Variants in ITGAE observed in about 807,000 individuals in gnomAD.
The protein encoded by ITGAE is integrin subunit alpha E, also known as integrin alpha-E.
A neutral mutation model predicts 136.5 loss-of-function variants in ITGAE; 99 were observed. That is an observed-to-expected ratio of 0.73 (90% CI 0.62 to 0.86). The LOEUF is 0.86. ITGAE is among the 40% of genes least tolerant of loss of function. The pLI is 0.00. For synonymous variants in ITGAE, 613 were observed against 591.8 expected (o/e 1.04, Z -0.52); for missense variants, 1,447 against 1,515.3 (o/e 0.95, Z 0.75).
At chr17:3,765,444 C>A (rs2052276693) in intron 2 of ITGAE, among the ~76,000 whole-genome samples, 1 of 151,522 alleles carries the variant, frequency 6.6e-6, no homozygotes, top group East Asian at 1.9e-4. Context: ...GAGATACCGT[C>A]TCCACTTCCT....
chr17:3,725,510 T>A (rs749752726), intron 26 of ITGAE: 4 of 1,614,156 alleles, frequency 2.5e-6, no homozygotes, highest in East Asian at 2.2e-5. Context: ...ATGGATCCCA[T>A]CAGAAAACCT....
rs1217117251 is a variant in ITGAE at position 3,740,685 on chromosome 17, G to A, written c.2449-807C>T. 4.6e-5 allele frequency among the ~76,000 whole-genome samples: 7 copies of A among 152,112 alleles called. No individual in the cohort carries two copies. In the South Asian group the frequency reaches 8.3e-4, roughly 18 times the overall value. On this transcript the variant is annotated intron_variant, in intron 19 of 30. Transcript: ENST00000263087. The stretch of plus-strand genomic sequence containing the variant: ...GCCACCGCGCCCGGCCTGGCTAGTC[G>A]TCTCTGTAAGCTAACTATTTCCCTT...
intron 2 of ITGAE, among the ~76,000 whole-genome samples, chr17:3,766,040 C>CT (rs1567544372): frequency 6.6e-6 from 1 of 152,106 alleles, no homozygotes; most frequent in Non-Finnish European, 1.5e-5. Flanking sequence ...AATTAAGGAT[C>CT]ATGAGATGGG....
intron 26 of ITGAE, chr17:3,726,660 C>A (rs2143008884): frequency 4.3e-6 from 1 of 234,450 alleles, no homozygotes; most frequent in Non-Finnish European, 8.2e-6. Flanking sequence ...AGACCCCTGT[C>A]TCTATTTTTT....
At chr17:3,716,655 T>G (rs752435583) in intron 30 of ITGAE, 33 bp downstream of exon 30, 1 of 1,262,882 alleles carries the variant, frequency 7.9e-7, no homozygotes, top group East Asian at 2.3e-5. Context: ...GAGCCCAGTC[T>G]TCCCTCACTG....
intron 21 of ITGAE, among the ~76,000 whole-genome samples, chr17:3,733,042 G>A (rs2051381936): frequency 1.3e-5 from 2 of 152,168 alleles, no homozygotes; most frequent in Non-Finnish European, 2.9e-5. Flanking sequence ...GCAGTGAAGT[G>A]GCGCGATCTC....
At chr17:3,777,117 C>T (rs1423319009) in intron 2 of ITGAE, among the ~76,000 whole-genome samples, 2 of 152,152 alleles carry the variant, frequency 1.3e-5, no homozygotes, top group East Asian at 1.9e-4. Flanking sequence ...CCCGCCTCCT[C>T]GCCTGGCTAA....
chr17:3,774,713 TGA>T (rs1370408053), intron 2 of ITGAE, among the ~76,000 whole-genome samples: 1 of 152,022 alleles, frequency 6.6e-6, no homozygotes, highest in African/African-American at 2.4e-5. Flanking sequence ...TGCAGTGAGC[TGA>T]GATTACACCA....
intron 1 of ITGAE, among the ~76,000 whole-genome samples, chr17:3,792,225 G>A (rs968259343): frequency 1.3e-5 from 2 of 152,116 alleles, no homozygotes; most frequent in South Asian, 2.1e-4. Flanking sequence ...GGGTTCAAGC[G>A]ATTCTCCTGC....
chr17:3,747,931 A>G lies in ITGAE; in HGVS notation c.2146T>C (p.Ser716Pro). The change falls in exon 17 of 31, where the codon TCT (serine) becomes CCT (proline). Residue 716 changes from serine to proline, a missense_variant. Around this residue, in one of 3 missense-constraint regions of ITGAE, gnomAD observed 1,031 missense variants for 1,011.4 expected, o/e 1.02. Transcript: ENST00000263087. ...TGGACCATTTTTTTACCTGACTCAG[A>G]GGCTGTGGTTACAGAGCTGATTTCA... ...CFEISSVTTA[S>P]ESGLREALLN... is the part of the protein sequence containing the mutation. 1 of 1,584,594 alleles carries G rather than the reference A, an allele frequency of 6.3e-7. No individual in the cohort carries two copies. The highest frequency in any genetic ancestry group is 8.6e-7 in the Non-Finnish European group (1 of 1,161,106).
At chr17:3,716,860 A>G (rs2050953848) in intron 29 of ITGAE, 62 bp from the exon 30 acceptor site, 1 of 950,148 alleles carries the variant, frequency 1.1e-6, no homozygotes, top group South Asian at 1.3e-5. Context: ...AAAATCCTAC[A>G]TGTTATTTTA....
At chr17:3,766,801 TAATAATAA>T (rs1271222430) in intron 2 of ITGAE, among the ~76,000 whole-genome samples, 2 of 17,240 alleles carry the variant, frequency 1.2e-4, no homozygotes, top group Non-Finnish European at 2.5e-4. Context: ...AAAATAATAA[TAATAATAA>T]TAATAATAAT....
At chr17:3,756,385 C>T (rs1567537034) in intron 10 of ITGAE, among the ~76,000 whole-genome samples, 1 of 151,202 alleles carries the variant, frequency 6.6e-6, no homozygotes, top group African/African-American at 2.4e-5. Flanking sequence ...GGTCATGCGC[C>T]ACCACGCCTG....
At chr17:3,760,383 A>T (rs1363634070) in intron 6 of ITGAE, 96 bp from the exon 7 acceptor site, 1 of 502,630 alleles carries the variant, frequency 2.0e-6, no homozygotes, top group Non-Finnish European at 3.6e-6. Flanking sequence ...AGCCCTGACA[A>T]CCAGCTCAGT....
At chr17:3,769,808 G>A (rs145698830) in intron 2 of ITGAE, among the ~76,000 whole-genome samples, 3 of 151,508 alleles carry the variant, frequency 2.0e-5, no homozygotes, top group Admixed American at 6.6e-5. Flanking sequence ...CTTAGCCTCT[G>A]CCTCCTGAGT....
At chr17:3,732,337 G>A (rs2051363946) in intron 22 of ITGAE, 31 bp downstream of exon 22, 1 of 1,518,604 alleles carries the variant, frequency 6.6e-7, no homozygotes, top group South Asian at 1.1e-5. Flanking sequence ...GCAGGGTGGT[G>A]AGAAGAGCGA....
In ITGAE at chr17:3,736,708, T is replaced by A. The variant is rs2472028; in HGVS notation, c.2523-1759A>T. Among the ~76,000 whole-genome samples, 178 of 152,092 alleles carry A rather than the reference T, an allele frequency of 1.2e-3. 1 individual carries two copies. The highest frequency in any genetic ancestry group is 4.0e-3 in the African/African-American group (165 of 41,524). On this transcript the variant is annotated intron_variant, in intron 20 of 30. Transcript: ENST00000263087. ...CAGAACCACTCTCAGTAGCTGAGATTGACAGAAAAACATATTAGCAATACC... is the reference window on the plus strand; with the variant it reads ...CAGAACCACTCTCAGTAGCTGAGATAGACAGAAAAACATATTAGCAATACC...
At chr17:3,796,610 C>T (rs938082306) in intron 1 of ITGAE, among the ~76,000 whole-genome samples, 14 of 152,038 alleles carry the variant, frequency 9.2e-5, no homozygotes, top group Non-Finnish European at 1.5e-4. Flanking sequence ...TCCCCCCTCC[C>T]GTGTTGTCTG....
At position 3,750,424 on chromosome 17, in the gene ITGAE, C is replaced by A. The variant is rs199628689; in HGVS notation, c.1952G>T (p.Gly651Val). 2.0e-5 allele frequency: 32 copies of A among 1,614,238 alleles called. No homozygotes were observed. In the South Asian group the frequency reaches 3.5e-4, roughly 18 times the overall value. The change falls in exon 16 of 31, where the codon GGT becomes GTT. Residue 651 changes from glycine (G) to valine (V), a missense_variant. Gly to Val is a moderately radical substitution (Grantham distance 109). Coordinates refer to ENST00000263087, the MANE Select transcript of ITGAE (RefSeq NM_002208.5). ...GCCGTCGCCACTAATATCAAAGCCA[C>A]CAGCCATGGACATGCCGAAGTACTG... ...GLQYFGMSMA[G>V]GFDISGDGLA...
Sources: allele counts gnomAD v4.1 joint callset (sites outside exome capture counted in the v4.1 genomes callset), GRCh38; gene constraint gnomAD v4.1.1; regional missense constraint gnomAD v4.1.1; transcripts MANE v1.5; gene names NCBI Gene and HGNC (gene_info 2026-07-23, HGNC 2026-07-21).